The following GSR variants were observed in gnomAD, a reference collection of about 807,000 sequenced individuals.
GSR encodes the protein glutathione-disulfide reductase, also known as glutathione reductase, mitochondrial.
GSR carries 48 observed loss-of-function variants against 56.5 expected under a neutral mutation model. That is an observed-to-expected ratio of 0.85 (90% CI 0.67 to 1.08). The LOEUF (loss-of-function observed/expected upper bound fraction) is 1.08, where lower values mean the gene tolerates loss of function less well. Among genes scored for constraint, GSR ranks in the 50% least tolerant of loss-of-function variants. The pLI, the probability that GSR is intolerant of heterozygous loss-of-function variation, is 0.00. For missense variants in GSR, 694 were observed against 703.3 expected (o/e 0.99, Z 0.15); for synonymous variants, 264 against 270.8 (o/e 0.97, Z 0.25).
At chr8:30,704,879 G>T (rs1337363722) in intron 4 of GSR, 2 of 152,146 alleles carry the variant, frequency 1.3e-5, no homozygotes, top group Non-Finnish European at 2.9e-5. Context: ...ACAAAAAGGA[G>T]TATGGCTCGC....
intron 5 of GSR, among the ~76,000 whole-genome samples, chr8:30,701,236 C>G (rs1296521573): frequency 1.3e-5 from 2 of 149,670 alleles, no homozygotes; most frequent in African/African-American, 2.5e-5. Flanking sequence ...GAGACTAAGA[C>G]AGGCAGATCG....
chr8:30,714,272 T>C (rs1001879101), intron 1 of GSR, among the ~76,000 whole-genome samples: 1 of 128,560 alleles, frequency 7.8e-6, no homozygotes, highest in Admixed American at 9.9e-5. Flanking sequence ...AGTGCCATGG[T>C]GCAATCTCAG....
rs1804787295 is a variant in GSR at position 30,727,644 on chromosome 8, G to T, written c.192C>A (p.Ser64=). Residue 64 remains serine (S), a synonymous_variant, in exon 1 of 13, where the codon TCC becomes TCA. Transcript: ENST00000221130. ...CGCCCCCGATCACCAGGTAGTCATA[G>T]GAGGCCACGGCGCCAGCAGCGGGCG... ...GPPPAAGAVA[S]YDYLVIGGGS... is the part of the protein sequence containing the mutation. 5.4e-6 allele frequency: 8 copies of T among 1,477,820 alleles called. No homozygotes were observed. Among genetic ancestry groups the T allele is most frequent in the African/African-American group, 1.5e-5 (1 of 67,746 alleles). 91.5% of individuals were successfully genotyped at this position (1,477,820 alleles called of 1,614,324 possible).
chr8:30,708,818 G>A (rs1473996995), intron 3 of GSR, among the ~76,000 whole-genome samples: 1 of 151,912 alleles, frequency 6.6e-6, no homozygotes, highest in Non-Finnish European at 1.5e-5. Context: ...AATTACCCAG[G>A]CATGCTGGTG....
intron 1 of GSR, among the ~76,000 whole-genome samples, chr8:30,720,678 A>AAG (rs1420621315): frequency 6.6e-6 from 1 of 151,848 alleles, no homozygotes; most frequent in Non-Finnish European, 1.5e-5. Flanking sequence ...AGAGAAAAAA[A>AAG]AAAGCAGTCT....
chr8:30,700,750 A>AAAAAAAAAAAAAAAAAC, intron 5 of GSR, among the ~76,000 whole-genome samples: 1 of 139,888 alleles, frequency 7.1e-6, no homozygotes, highest in African/African-American at 2.7e-5. Flanking sequence ...AAAAAAAAAA[A>AAAAAAAAAAAAAAAAAC]TCGACGTGGC....
In GSR at chr8:30,678,157, AT is replaced by A. The variant is rs1028761294; in HGVS notation, c.*1362del. The A allele has an allele frequency of 2.0e-5, 3 of 151,980 alleles. No homozygotes were observed. The highest frequency in any genetic ancestry group is 4.4e-5 in the Non-Finnish European group (3 of 68,000). The allele number at this position is 151,980 out of a possible 1,614,324, so 9.4% of individuals were successfully genotyped here. The stretch of plus-strand genomic sequence containing the variant: ...AAGAACACATACAAATATTGAAATT[AT>A]TCATTGAACTATAAACACTTAGCAG... On this transcript the variant is annotated 3_prime_UTR_variant, in exon 13 of 13. Transcript: ENST00000221130.
In GSR at chr8:30,696,430, T is replaced by A. The variant is rs1304066922; in HGVS notation, c.745A>T (p.Ile249Phe). The A allele has an allele frequency of 6.2e-7, 1 of 1,613,424 alleles. No homozygotes were observed. Among genetic ancestry groups the A allele is most frequent in the Admixed American group, 1.7e-5 (1 of 59,986 alleles). ...GTCTTAGAACCCAGGGCTGACAGGA[T>A]CCCTGCCATCTCCACAGCAATGTAA... is the stretch of plus-strand genomic sequence containing the variant. ...AGYIAVEMAGILSALGSKTSL... is the reference protein window; with the variant it reads ...AGYIAVEMAGFLSALGSKTSL... Residue 249 changes from isoleucine to phenylalanine, a missense_variant, in exon 7 of 13, where the codon ATC (isoleucine) becomes TTC (phenylalanine). Transcript: ENST00000221130.
chr8:30,680,833 C>G (rs1802926772), intron 12 of GSR, 71 bp downstream of exon 12: 1 of 1,412,240 alleles, frequency 7.1e-7, no homozygotes, highest in African/African-American at 1.4e-5. Flanking sequence ...CCCTCCTTTC[C>G]ACCCCTGCAA....
At chr8:30,694,654 GGC>G (rs921105036) in intron 7 of GSR, among the ~76,000 whole-genome samples, 2 of 151,940 alleles carry the variant, frequency 1.3e-5, no homozygotes, top group African/African-American at 4.8e-5. Context: ...GTAGTCAGGT[GGC>G]GCATGCCTGT....
At chr8:30,689,763 C>T (rs1018573808) in intron 8 of GSR, among the ~76,000 whole-genome samples, 7 of 134,872 alleles carry the variant, frequency 5.2e-5, no homozygotes, top group African/African-American at 1.8e-4. Context: ...TATATATATA[C>T]ACACACACAT....
intron 1 of GSR, among the ~76,000 whole-genome samples, chr8:30,714,396 G>A (rs1237392279): frequency 6.6e-6 from 1 of 151,564 alleles, no homozygotes; most frequent in Non-Finnish European, 1.5e-5. Flanking sequence ...AGACAGAGTC[G>A]CACCATGTTG....
At chr8:30,689,968 TTA>T (rs529224884) in intron 8 of GSR, among the ~76,000 whole-genome samples, 1,652 of 137,484 alleles carry the variant, frequency 0.012, 33 homozygotes, top group African/African-American at 0.033. Context: ...TTTTTATTTA[TTA>T]TATATATAAA....
intron 7 of GSR, among the ~76,000 whole-genome samples, chr8:30,695,228 T>TTTTGG (rs1803506946): frequency 6.6e-6 from 1 of 152,014 alleles, no homozygotes; most frequent in South Asian, 2.1e-4. Flanking sequence ...TTTGCAGTTT[T>TTTTGG]TTTGTTTTGT....
In GSR at chr8:30,713,192, A is replaced by T. The variant is rs189908682; in HGVS notation, c.307-1104T>A. On this transcript the variant is annotated intron_variant, in intron 1 of 12. Transcript: ENST00000221130. ...GTTGGGACTGTAGGTGTGCACCACC[A>T]TGCCCAGCTAATTTTTGTATTTTCA... is the stretch of plus-strand genomic sequence containing the variant. Among the ~76,000 whole-genome samples the T allele has an allele frequency of 2.1e-3, 315 of 152,194 alleles. 2 individuals carry two copies. Among genetic ancestry groups the T allele is most frequent in the African/African-American group, 7.3e-3 (302 of 41,524 alleles).
At chr8:30,708,732 G>A (rs1040752309) in intron 3 of GSR, among the ~76,000 whole-genome samples, 7 of 152,012 alleles carry the variant, frequency 4.6e-5, no homozygotes, top group African/African-American at 9.6e-5. Flanking sequence ...TGAGGTGGGC[G>A]GATCACGAGG....
At chr8:30,694,352 C>T (rs556666410) in intron 7 of GSR, among the ~76,000 whole-genome samples, 1 of 152,298 alleles carries the variant, frequency 6.6e-6, no homozygotes, top group East Asian at 1.9e-4. Flanking sequence ...GTCAGCTGCC[C>T]AGGCTAGAGT....
chr8:30,721,833 C>T (rs1018949688), intron 1 of GSR, among the ~76,000 whole-genome samples: 2 of 151,246 alleles, frequency 1.3e-5, no homozygotes, highest in Non-Finnish European at 2.9e-5. Flanking sequence ...CCAGCCTGGC[C>T]AACGTGGTGA....
intron 5 of GSR, among the ~76,000 whole-genome samples, chr8:30,702,358 G>C (rs1461895310): frequency 6.6e-6 from 1 of 151,836 alleles, no homozygotes; most frequent in Non-Finnish European, 1.5e-5. Flanking sequence ...AAAATAAAAT[G>C]CAAAAGAAGT....
Sources: allele counts gnomAD v4.1 joint callset (sites outside exome capture counted in the v4.1 genomes callset), GRCh38; gene constraint gnomAD v4.1.1; transcripts MANE v1.5; gene names NCBI Gene and HGNC (gene_info 2026-07-23, HGNC 2026-07-21).